The following VASH2 variants were observed in gnomAD, a reference collection of about 807,000 sequenced individuals.
VASH2 encodes the protein tubulinyl-Tyr carboxypeptidase 2.
In VASH2, 28 loss-of-function variants were observed where a neutral mutation model predicts 37.2. The ratio of observed to expected loss-of-function variants is 0.75; its 90% confidence interval spans 0.56 to 1.03. The LOEUF is 1.03. Among genes scored for constraint, VASH2 ranks in the 50% least tolerant of loss-of-function variants. The probability of loss-of-function intolerance (pLI) is 0.00; values close to 1 mark genes in which losing one functional copy is unlikely to be tolerated. For synonymous variants in VASH2, 188 were observed against 174.7 expected, an observed-to-expected ratio of 1.08 and a Z score of -0.60; for missense variants, 419 against 459.1, an observed-to-expected ratio of 0.91 and a Z score of 0.80.
chr1:212,987,487 T>A (rs1295458762), intron 7 of VASH2, among the ~76,000 whole-genome samples: 1 of 152,106 alleles, frequency 6.6e-6, no homozygotes, highest in Non-Finnish European at 1.5e-5. Context: ...GGCAGGAGAA[T>A]CACTTGAACT....
Position 212,951,861 on chromosome 1 carries a change from A to C in VASH2, c.276+43A>C, listed in dbSNP as rs762668205. 6.4e-7 allele frequency: 1 copy of C among 1,571,620 alleles called. No homozygotes were observed. The highest frequency in any genetic ancestry group is 2.3e-5 in the East Asian group (1 of 44,100). ...CGGAGTTGGGGGGCTGGGGGTAGGT[A>C]GGCAGCGATGGGACCGTTTCAGCCT... On this transcript the variant is annotated intron_variant, in intron 2 of 7. Transcript: ENST00000517399. The surrounding 1 kb of genome is among the most constrained non-coding windows in gnomAD (Gnocchi z 4.4).
intron 2 of VASH2, among the ~76,000 whole-genome samples, chr1:212,954,330 A>G (rs1666417832): frequency 6.6e-6 from 1 of 152,214 alleles, no homozygotes; most frequent in South Asian, 2.1e-4. Flanking sequence ...CTTCTAAATC[A>G]TGTCTGAGCA....
At chr1:212,962,347 T>C (rs1308832083) in intron 3 of VASH2, among the ~76,000 whole-genome samples, 1 of 152,164 alleles carries the variant, frequency 6.6e-6, no homozygotes, top group Non-Finnish European at 1.5e-5. Context: ...AGGTCAAGCT[T>C]CTGTGGACCG....
In VASH2 at chr1:212,956,081, T is replaced by C. The variant is rs74606967; in HGVS notation, c.276+4263T>C. Among the ~76,000 whole-genome samples the C allele has an allele frequency of 1.8e-3, 278 of 152,336 alleles. 5 individuals are homozygous for C. The East Asian group carries it at 0.048, about 27-fold the overall frequency. ...GAATTCCCCTTGCTCTTGTTAAAGA[T>C]TCCTAGTGCCTGGGGTTCTTGCTGC... On this transcript the variant is annotated intron_variant, in intron 2 of 7. Transcript: ENST00000517399.
chr1:212,972,821 A>G lies in VASH2; in HGVS notation c.739A>G (p.Lys247Glu), dbSNP rs780860487. Residue 247 changes from lysine to glutamate, a missense_variant, in exon 6 of 8, where the codon AAG (lysine) becomes GAG (glutamate). Lys to Glu is a moderately conservative substitution (Grantham distance 56). This residue lies in a region of VASH2 where 177 missense variants were observed against 166.2 expected (regional missense o/e 1.06). Transcript: ENST00000517399. ...KKYLHTVKKV[K>E]IGLYVPHEPH... ...ATACCTGCACACAGTCAAGAAGGTC[A>G]AGATTGGGCTGTACGTCCCCCATGA... 6.2e-7 allele frequency: 1 copy of G among 1,614,216 alleles called. No individual in the cohort carries two copies. Among genetic ancestry groups the G allele is most frequent in the Admixed American group, 1.7e-5 (1 of 60,024 alleles).
chr1:212,978,427 C>T (rs1033573635), intron 7 of VASH2, among the ~76,000 whole-genome samples: 37 of 152,142 alleles, frequency 2.4e-4, no homozygotes, highest in Middle Eastern at 3.2e-3. Flanking sequence ...GGAAGGAAGA[C>T]CTGCAGGAAG....
intron 6 of VASH2, 121 bp from the exon 7 acceptor site, chr1:212,973,831 GCTC>G: frequency 6.9e-7 from 1 of 1,442,696 alleles, no homozygotes; most frequent in East Asian, 2.5e-5. Context: ...AAGTCTTCCT[GCTC>G]AATGCCTTCT....
intron 7 of VASH2, among the ~76,000 whole-genome samples, chr1:212,986,122 T>C (rs967901126): frequency 6.6e-6 from 1 of 152,228 alleles, no homozygotes; most frequent in African/African-American, 2.4e-5. Flanking sequence ...CTTACCTAAT[T>C]ACAAAACCAG....
intron 2 of VASH2, among the ~76,000 whole-genome samples, chr1:212,956,178 A>G (rs888077235): frequency 4.6e-5 from 7 of 152,154 alleles, no homozygotes; most frequent in African/African-American, 1.7e-4. Flanking sequence ...GTCCATCCGT[A>G]TCACTTCCCT....
intron 2 of VASH2, among the ~76,000 whole-genome samples, chr1:212,960,786 T>C (rs1459561220): frequency 6.6e-6 from 1 of 152,214 alleles, no homozygotes; most frequent in Non-Finnish European, 1.5e-5. Context: ...CAATCATTGA[T>C]GGAATGCTGG....
rs1324323224 is a variant in VASH2 at position 212,951,732 on chromosome 1, G to C, written c.190G>C (p.Glu64Gln). The C allele has an allele frequency of 2.5e-6, 4 of 1,607,150 alleles. No homozygotes were observed. The Admixed American group carries it at 6.8e-5, about 27-fold the overall frequency. Reference sequence around the variant, plus strand: ...CTTCCCCATCGACAGCCACACCTGGGAGCGCATGTGGATGCACGTGGCCAA... The same window carrying C: ...CTTCCCCATCGACAGCCACACCTGGCAGCGCATGTGGATGCACGTGGCCAA... Reference protein sequence around the residue: ...SGFPIDSHTWERMWMHVAKVH... With the variant: ...SGFPIDSHTWQRMWMHVAKVH... The change falls in exon 2 of 8, where the codon GAG becomes CAG. Residue 64 changes from glutamate to glutamine, a missense_variant. By Grantham distance (29) the Glu-to-Gln change is conservative. Around this residue, in one of 3 missense-constraint regions of VASH2, gnomAD observed 158 missense variants for 163.0 expected, o/e 0.97. Coordinates refer to ENST00000517399, the MANE Select transcript of VASH2 (RefSeq NM_001301056.2). The surrounding 1 kb of genome is among the most constrained non-coding windows in gnomAD (Gnocchi z 4.4).
At position 212,950,990 on chromosome 1, in the gene VASH2, G is replaced by C. The variant is rs115927313; in HGVS notation, c.-205+250G>C. On this transcript the variant is annotated intron_variant, in intron 1 of 7. Transcript: ENST00000517399. This position sits in a 1 kb window ranked among gnomAD's most constrained non-coding sequence, Gnocchi z 5.5. Reference sequence around the variant, plus strand: ...CGTTCGTGGCTCCCCTCCTCTCTTGGCCACATCTGAGGACCCAGGAATGTG... The same window carrying C: ...CGTTCGTGGCTCCCCTCCTCTCTTGCCCACATCTGAGGACCCAGGAATGTG... 0.018 allele frequency among the ~76,000 whole-genome samples: 2,811 copies of C among 152,334 alleles called. 32 individuals are homozygous for C. The highest frequency in any genetic ancestry group is 0.031 in the African/African-American group (1,288 of 41,584).
At chr1:212,977,144 C>T (rs781747898) in intron 7 of VASH2, among the ~76,000 whole-genome samples, 1 of 151,514 alleles carries the variant, frequency 6.6e-6, no homozygotes, top group Non-Finnish European at 1.5e-5. Context: ...AACCAGCCTG[C>T]GAAAGGGAGT....
In VASH2 at chr1:212,982,571, AC is replaced by A. The variant is rs200747122; in HGVS notation, c.996-5938del. On this transcript the variant is annotated intron_variant, in intron 7 of 7. Coordinates refer to ENST00000517399, the MANE Select transcript of VASH2 (RefSeq NM_001301056.2). ...GAGTCCTCTCTATACACAATAGCTC[AC>A]CCAGCTCTGGCCCTGAGATGAGCTG... Among the ~76,000 whole-genome samples, 701 of 152,190 alleles carry A rather than the reference AC, an allele frequency of 4.6e-3. 3 individuals are homozygous for A. Among genetic ancestry groups the A allele is most frequent in the African/African-American group, 0.015 (628 of 41,502 alleles).
At chr1:212,973,404 G>A (rs749493329) in intron 6 of VASH2, 41 of 1,291,646 alleles carry the variant, frequency 3.2e-5, no homozygotes, top group African/African-American at 4.5e-5. Context: ...TGTGATTCCC[G>A]CTTGTCCATG....
chr1:212,966,582 T>TCCAGCTCTCAGGC (rs1269344162), intron 5 of VASH2, among the ~76,000 whole-genome samples: 12 of 152,302 alleles, frequency 7.9e-5, no homozygotes, highest in African/African-American at 2.6e-4. Flanking sequence ...CTCCATCAGG[T>TCCAGCTCTCAGGC]CCAGCTCTCA....
intron 2 of VASH2, among the ~76,000 whole-genome samples, chr1:212,952,224 C>T (rs574579294): frequency 6.6e-6 from 1 of 152,344 alleles, no homozygotes; most frequent in South Asian, 2.1e-4. Flanking sequence ...CTTGCTCCTC[C>T]TCTGCTCCCC....
At chr1:212,977,638 C>T (rs1667218355) in intron 7 of VASH2, among the ~76,000 whole-genome samples, 1 of 152,096 alleles carries the variant, frequency 6.6e-6, no homozygotes, top group Non-Finnish European at 1.5e-5. Flanking sequence ...CTTAAGTGGC[C>T]TTTATCCTGC....
chr1:212,966,406 T>TG (rs935491319), intron 5 of VASH2, 61 bp downstream of exon 5: 1 of 1,378,290 alleles, frequency 7.3e-7, no homozygotes, highest in African/African-American at 1.4e-5. Context: ...CAATGGGGCT[T>TG]GTTGTGCCTT....
Sources: allele counts gnomAD v4.1 joint callset (sites outside exome capture counted in the v4.1 genomes callset), GRCh38; gene constraint gnomAD v4.1.1; regional missense constraint gnomAD v4.1.1; non-coding constraint Gnocchi (gnomAD v3.1); transcripts MANE v1.5; gene names NCBI Gene and HGNC (gene_info 2026-07-23, HGNC 2026-07-21).